EPB41L4A: variants seen among roughly 807,000 people sequenced by gnomAD.
EPB41L4A encodes the protein band 4.1-like protein 4A.
A neutral mutation model predicts 108.6 loss-of-function variants in EPB41L4A; 100 were observed. The ratio of observed to expected loss-of-function variants is 0.92; its 90% CI spans 0.78 to 1.09. The LOEUF (loss-of-function observed/expected upper bound fraction) is 1.09. EPB41L4A is among the 50% of genes least tolerant of loss of function. The probability of loss-of-function intolerance (pLI) is 0.00; values close to 1 mark genes in which losing one functional copy is unlikely to be tolerated. For missense variants in EPB41L4A, 1,030 were observed against 842.7 expected, an observed-to-expected ratio of 1.22 and a Z score of -2.75; for synonymous variants, 319 against 289.0, an observed-to-expected ratio of 1.10 and a Z score of -1.05.
At chr5:112,334,812 A>C (rs1345125160) in intron 1 of EPB41L4A, among the ~76,000 whole-genome samples, 1 of 152,130 alleles carries the variant, frequency 6.6e-6, no homozygotes, top group Admixed American at 6.6e-5. Flanking sequence ...AATTTTTGCA[A>C]AATAAACCCC....
At chr5:112,401,853 G>A (rs554136257) in intron 1 of EPB41L4A, among the ~76,000 whole-genome samples, 20 of 152,334 alleles carry the variant, frequency 1.3e-4, no homozygotes, top group African/African-American at 4.3e-4. Context: ...ATTTTTGGTT[G>A]CGTATGATTA....
intron 4 of EPB41L4A, among the ~76,000 whole-genome samples, chr5:112,267,104 T>C (rs1264986906): frequency 2.0e-5 from 3 of 152,216 alleles, no homozygotes; most frequent in African/African-American, 7.2e-5. Flanking sequence ...TGATTAGTTT[T>C]ATTTTTTTTC....
intron 1 of EPB41L4A, among the ~76,000 whole-genome samples, chr5:112,374,386 T>C (rs1373543479): frequency 6.6e-6 from 1 of 152,196 alleles, no homozygotes; most frequent in Non-Finnish European, 1.5e-5. Flanking sequence ...AAAAGCAGCA[T>C]TATAAGAAAT....
chr5:112,359,810 G>A (rs1474448306), intron 1 of EPB41L4A, among the ~76,000 whole-genome samples: 2 of 152,176 alleles, frequency 1.3e-5, no homozygotes, highest in East Asian at 1.9e-4. Context: ...AAAGTGCTGG[G>A]ATTACAGGCG....
At chr5:112,173,415 CATG>C (rs573293412) in intron 18 of EPB41L4A, among the ~76,000 whole-genome samples, 74 of 152,180 alleles carry the variant, frequency 4.9e-4, no homozygotes, top group Non-Finnish European at 8.8e-4. Flanking sequence ...AAAATGATAA[CATG>C]ATAACAGTGG....
At chr5:112,261,686 C>A (rs1751494912) in intron 7 of EPB41L4A, among the ~76,000 whole-genome samples, 1 of 152,134 alleles carries the variant, frequency 6.6e-6, no homozygotes, top group African/African-American at 2.4e-5. Context: ...AAAAAATCTG[C>A]AAAAATATTT....
intron 6 of EPB41L4A, chr5:112,263,587 T>C (rs537779999): frequency 3.3e-5 from 5 of 152,274 alleles, no homozygotes; most frequent in South Asian, 2.1e-4. Context: ...GCCAAACACA[T>C]TGCCCTTCCT....
chr5:112,209,310 C>G (rs1667668242), intron 13 of EPB41L4A, among the ~76,000 whole-genome samples: 1 of 152,222 alleles, frequency 6.6e-6, no homozygotes, highest in Admixed American at 6.5e-5. Flanking sequence ...GCAACAGTGT[C>G]TTAACAGAAA....
intron 12 of EPB41L4A, among the ~76,000 whole-genome samples, chr5:112,229,150 C>G (rs1430895363): frequency 6.6e-6 from 1 of 152,096 alleles, no homozygotes; most frequent in African/African-American, 2.4e-5. Context: ...ATGATACAAA[C>G]TAACAAAAAG....
chr5:112,153,215 T>C (rs1487523655), intron 12 of EPB41L4A, among the ~76,000 whole-genome samples: 1 of 149,066 alleles, frequency 6.7e-6, no homozygotes, highest in Non-Finnish European at 1.5e-5. Context: ...TAAGATCCTG[T>C]CTCAAAAATT....
rs76299759 is a variant in EPB41L4A, at chr5:112,242,483, C to G, written c.796-1673G>C. 0.015 allele frequency among the ~76,000 whole-genome samples: 2,314 copies of G among 152,302 alleles called. 229 individuals carry two copies. The East Asian group carries it at 0.27, about 18-fold the overall frequency. ...AGTTTTCTTGCTATTTCTACCGCAT[C>G]TGCAGTTACTTCCTTCACTGAAGTC... On this transcript the variant is annotated intron_variant, in intron 9 of 22. Transcript: ENST00000261486.
At chr5:112,249,717 T>C (rs766346919) in intron 9 of EPB41L4A, 3 of 152,182 alleles carry the variant, frequency 2.0e-5, no homozygotes, top group South Asian at 2.1e-4. Flanking sequence ...GAATAAAACA[T>C]GATCTTATTC....
chr5:112,240,252 T>G (rs1382910664), intron 10 of EPB41L4A, among the ~76,000 whole-genome samples: 2 of 152,320 alleles, frequency 1.3e-5, no homozygotes, highest in South Asian at 2.1e-4. Flanking sequence ...CTGTTTCCAC[T>G]GGTGACCTCA....
chr5:112,194,367 G>A (rs1761855735), intron 17 of EPB41L4A, among the ~76,000 whole-genome samples: 1 of 152,034 alleles, frequency 6.6e-6, no homozygotes, highest in South Asian at 2.1e-4. Flanking sequence ...TCATTGTCAA[G>A]TTGTTTAATC....
intron 1 of EPB41L4A, among the ~76,000 whole-genome samples, chr5:112,418,546 G>A (rs1171734484): frequency 6.6e-6 from 1 of 152,118 alleles, no homozygotes; most frequent in Non-Finnish European, 1.5e-5. Context: ...ACACTGTCAA[G>A]GAAAACGCCT....
At chr5:112,288,976 G>C (rs944654587) in intron 2 of EPB41L4A, among the ~76,000 whole-genome samples, 6 of 152,092 alleles carry the variant, frequency 3.9e-5, no homozygotes, top group African/African-American at 1.4e-4. Context: ...GAGGCCTTGG[G>C]AGGGATAAGT....
chr5:112,346,215 C>CCTTTTTTT (rs1479210695), intron 1 of EPB41L4A, among the ~76,000 whole-genome samples: 1 of 49,040 alleles, frequency 2.0e-5, no homozygotes, highest in Non-Finnish European at 5.4e-5. Flanking sequence ...AGGTACATTG[C>CCTTTTTTT]ATTTTTTTTT....
downstream of EPB41L4A, among the ~76,000 whole-genome samples, chr5:112,159,453 A>G (rs7730334): frequency 0.12 from 17,618 of 152,238 alleles, 1,130 homozygotes; most frequent in South Asian, 0.15. Context: ...AAAAAAGCCA[A>G]TTAACAAACT....
intron 8 of EPB41L4A, 57 bp downstream of exon 8, chr5:112,259,834 A>G: frequency 8.2e-7 from 1 of 1,220,496 alleles, no homozygotes; most frequent in Non-Finnish European, 1.2e-6. Flanking sequence ...TCACTGACAC[A>G]GGAGTCCCAT....
Sources: allele counts gnomAD v4.1 joint callset (sites outside exome capture counted in the v4.1 genomes callset), GRCh38; gene constraint gnomAD v4.1.1; transcripts MANE v1.5; gene names NCBI Gene and HGNC (gene_info 2026-07-23, HGNC 2026-07-21).